Variants in CNBD2 observed in about 807,000 individuals in gnomAD.
CNBD2 encodes the protein cyclic nucleotide-binding domain-containing protein 2.
Under a neutral mutation model 63.7 loss-of-function variants are expected in CNBD2, and 64 were observed. The observed-to-expected ratio is 1.00, with a 90% confidence interval of 0.82 to 1.24. CNBD2 has a LOEUF of 1.24. CNBD2 is among the 50% of genes most tolerant of loss of function. The probability of loss-of-function intolerance (pLI) is 0.00; values close to 1 mark genes in which losing one functional copy is unlikely to be tolerated. For synonymous variants in CNBD2, 229 were observed against 255.4 expected (o/e 0.90, Z 0.99); for missense variants, 691 against 713.5 (o/e 0.97, Z 0.36).
intron 2 of CNBD2, among the ~76,000 whole-genome samples, chr20:35,975,446 G>A (rs1402100528): frequency 4.0e-5 from 4 of 100,960 alleles, no homozygotes; most frequent in African/African-American, 4.3e-5. Flanking sequence ...GACTACAGGC[G>A]CCCGCTACCA....
chr20:36,022,958 G>C (rs2057237126), intron 10 of CNBD2, among the ~76,000 whole-genome samples: 2 of 152,124 alleles, frequency 1.3e-5, no homozygotes, highest in Admixed American at 1.3e-4. Flanking sequence ...CTAAGGAAGA[G>C]AAAAGAGATT....
intron 10 of CNBD2, among the ~76,000 whole-genome samples, chr20:36,015,450 A>G (rs1272536105): frequency 6.6e-6 from 1 of 152,188 alleles, no homozygotes; most frequent in Admixed American, 6.5e-5. Flanking sequence ...GCCCAGGCCA[A>G]TGTCAAGAAA....
chr20:35,975,520 T>C (rs1429230875), intron 2 of CNBD2, among the ~76,000 whole-genome samples: 1 of 149,414 alleles, frequency 6.7e-6, no homozygotes, highest in Non-Finnish European at 1.5e-5. Context: ...CAGGATGGTC[T>C]CGATCTCCTG....
chr20:36,014,921 A>G (rs1369015151), intron 10 of CNBD2, among the ~76,000 whole-genome samples: 1 of 152,172 alleles, frequency 6.6e-6, no homozygotes, highest in Non-Finnish European at 1.5e-5. Context: ...GGCGTGAACC[A>G]TCGTGCCTGG....
chr20:35,968,840 G>A (rs1335338229), intron 1 of CNBD2, 27 bp downstream of exon 1: 4 of 1,585,090 alleles, frequency 2.5e-6, no homozygotes, highest in Admixed American at 3.5e-5. Flanking sequence ...GCCCTGGGAG[G>A]GAAGAGCAGA....
At chr20:35,959,355 A>G (rs2056288131), downstream of CNBD2, 1 of 152,228 alleles carries the variant, frequency 6.6e-6, no homozygotes. Context: ...TCATGCTGCT[A>G]ATAAAGACAT....
intron 8 of CNBD2, among the ~76,000 whole-genome samples, chr20:36,001,816 G>A (rs1207248092): frequency 1.3e-5 from 2 of 151,150 alleles, no homozygotes; most frequent in East Asian, 2.0e-4. Context: ...GGGCAGAGAC[G>A]CTCCTCACTT....
At chr20:35,961,021 C>T (rs1251423608) in intron 2 of CNBD2, among the ~76,000 whole-genome samples, 7 of 152,072 alleles carry the variant, frequency 4.6e-5, no homozygotes, top group Non-Finnish European at 1.0e-4. Flanking sequence ...CCTCTGCCTC[C>T]CAGGTTCAAG....
upstream of CNBD2, among the ~76,000 whole-genome samples, chr20:35,968,045 C>T (rs1238957925): frequency 6.6e-6 from 1 of 152,106 alleles, no homozygotes; most frequent in Non-Finnish European, 1.5e-5. Flanking sequence ...GGAGTCGATA[C>T]CCAGTGTATG....
intron 8 of CNBD2, among the ~76,000 whole-genome samples, chr20:36,006,023 GA>G (rs1283735476): frequency 6.7e-6 from 1 of 150,312 alleles, no homozygotes; most frequent in East Asian, 1.9e-4. Context: ...TCATACTAGA[GA>G]TTTTTTTTTT....
At chr20:36,014,197 G>GAAAAAAAAAAAAAA (rs1555814330) in intron 10 of CNBD2, among the ~76,000 whole-genome samples, 1 of 129,096 alleles carries the variant, frequency 7.7e-6, no homozygotes, top group African/African-American at 3.2e-5. Context: ...AAAAAAAAAG[G>GAAAAAAAAAAAAAA]AAATATGTAT....
chr20:36,008,646 G>A (rs190407160), intron 9 of CNBD2, among the ~76,000 whole-genome samples, 172 bp downstream of exon 9: 7 of 152,336 alleles, frequency 4.6e-5, no homozygotes, highest in Admixed American at 4.6e-4. Flanking sequence ...CTGAGAGCCA[G>A]GACCTGCATT....
chr20:36,012,662 C>G (rs1337136659), intron 10 of CNBD2, among the ~76,000 whole-genome samples: 1 of 150,838 alleles, frequency 6.6e-6, no homozygotes, highest in Non-Finnish European at 1.5e-5. Flanking sequence ...CCTGTCTCTA[C>G]TAAAAATGCA....
At chr20:35,981,590 C>G (rs2056600269) in intron 4 of CNBD2, among the ~76,000 whole-genome samples, 1 of 152,194 alleles carries the variant, frequency 6.6e-6, no homozygotes, top group Admixed American at 6.6e-5. Context: ...TAGGCATCAC[C>G]ATTCCTGGCT....
At chr20:35,954,402 T>C (rs1445170768), upstream of CNBD2, 2 of 1,557,824 alleles carry the variant, frequency 1.3e-6, no homozygotes, top group East Asian at 4.8e-5. Flanking sequence ...CGCGTCACCC[T>C]TGAGGGAGTC....
At chr20:36,004,327 T>A (rs2056955381) in intron 8 of CNBD2, among the ~76,000 whole-genome samples, 1 of 152,166 alleles carries the variant, frequency 6.6e-6, no homozygotes, top group Non-Finnish European at 1.5e-5. Flanking sequence ...TGGAGTTCTG[T>A]CTCTATGCAG....
At chr20:35,966,612 T>G (rs1183266388), upstream of CNBD2, among the ~76,000 whole-genome samples, 1 of 152,180 alleles carries the variant, frequency 6.6e-6, no homozygotes, top group Non-Finnish European at 1.5e-5. Context: ...ATTCAATATT[T>G]GACACTTGAT....
chr20:35,991,929 G>A (rs2056752105), intron 7 of CNBD2, among the ~76,000 whole-genome samples: 1 of 151,630 alleles, frequency 6.6e-6, no homozygotes, highest in African/African-American at 2.4e-5. Flanking sequence ...CGCCCAGGCT[G>A]GAGTGCAATG....
At chr20:36,010,580 G>A (rs1458268020) in intron 9 of CNBD2, among the ~76,000 whole-genome samples, 1 of 152,126 alleles carries the variant, frequency 6.6e-6, no homozygotes, top group Non-Finnish European at 1.5e-5. Context: ...AGACCAGCCT[G>A]GGCAACATTG....
Sources: allele counts gnomAD v4.1 joint callset (sites outside exome capture counted in the v4.1 genomes callset), GRCh38; gene constraint gnomAD v4.1.1; transcripts MANE v1.5; gene names NCBI Gene and HGNC (gene_info 2026-07-23, HGNC 2026-07-21).